The following OLA1 variants were observed in gnomAD, a reference collection of about 807,000 sequenced individuals.
OLA1 encodes Obg like ATPase 1.
In OLA1, 14 loss-of-function variants were observed where a neutral mutation model predicts 48.4. The ratio of observed to expected loss-of-function variants is 0.29; its 90% confidence interval spans 0.19 to 0.45. The LOEUF (loss-of-function observed/expected upper bound fraction) is 0.45. OLA1 is among the 20% of genes least tolerant of loss of function. The pLI, the probability that OLA1 is intolerant of heterozygous loss-of-function variation, is 1.00. For synonymous variants in OLA1, 127 were observed against 150.4 expected (o/e 0.84, Z 1.14); for missense variants, 325 against 467.1 (o/e 0.70, Z 2.80).
chr2:174,121,404 T>C (rs1685911808), intron 7 of OLA1, among the ~76,000 whole-genome samples: 1 of 152,112 alleles, frequency 6.6e-6, no homozygotes, highest in Non-Finnish European at 1.5e-5. Context: ...CGGCAGAAAC[T>C]GTACAGAAAA....
At chr2:174,144,105 G>C (rs1465426420) in intron 4 of OLA1, among the ~76,000 whole-genome samples, 1 of 152,004 alleles carries the variant, frequency 6.6e-6, no homozygotes, top group Non-Finnish European at 1.5e-5. Context: ...TGTCGAGCAA[G>C]ACCTTGTCAA....
chr2:174,117,081 A>C (rs894268356), intron 7 of OLA1, among the ~76,000 whole-genome samples: 3 of 152,204 alleles, frequency 2.0e-5, no homozygotes, highest in African/African-American at 7.2e-5. Flanking sequence ...ATGGGGTTGT[A>C]GAGAACATGG....
chr2:174,114,368 A>AAAAAAAAAAAAC, intron 7 of OLA1, among the ~76,000 whole-genome samples: 1 of 146,896 alleles, frequency 6.8e-6, no homozygotes, highest in Non-Finnish European at 1.5e-5. Context: ...AAAAAAAAAA[A>AAAAAAAAAAAAC]AAAAAGCTAA....
At chr2:174,103,268 T>C (rs1164450782) in intron 7 of OLA1, among the ~76,000 whole-genome samples, 4 of 152,144 alleles carry the variant, frequency 2.6e-5, no homozygotes, top group Admixed American at 6.6e-5. Context: ...GAATGGCCTG[T>C]AGGCTTTTAA....
intron 7 of OLA1, among the ~76,000 whole-genome samples, chr2:174,116,921 T>A (rs1267376685): frequency 6.6e-6 from 1 of 152,186 alleles, no homozygotes; most frequent in African/African-American, 2.4e-5. Flanking sequence ...CTTTAAAAAA[T>A]CATGCTACTG....
intron 4 of OLA1, among the ~76,000 whole-genome samples, chr2:174,201,302 G>A (rs1006351155): frequency 6.6e-6 from 1 of 152,200 alleles, no homozygotes; most frequent in African/African-American, 2.4e-5. Flanking sequence ...TAAACTCTCA[G>A]TTCTTCCATT....
chr2:174,209,338 C>G (rs764539933), intron 4 of OLA1, among the ~76,000 whole-genome samples: 11 of 152,180 alleles, frequency 7.2e-5, no homozygotes, highest in Non-Finnish European at 1.5e-4. Flanking sequence ...GAGCTTCTAT[C>G]CCTCTCTGAT....
At chr2:174,211,805 C>T (rs1688250402) in intron 4 of OLA1, among the ~76,000 whole-genome samples, 1 of 152,158 alleles carries the variant, frequency 6.6e-6, no homozygotes. Context: ...TTAAGAAGTA[C>T]TTGAAATATG....
chr2:174,131,837 A>G (rs1686189108), intron 5 of OLA1, among the ~76,000 whole-genome samples: 1 of 152,002 alleles, frequency 6.6e-6, no homozygotes, highest in African/African-American at 2.4e-5. Flanking sequence ...ATGGCCTTTT[A>G]TGTTCATGAA....
At position 174,115,184 on chromosome 2, in the gene OLA1, T is replaced by C. The variant is rs144584298; in HGVS notation, c.728+7996A>G. On this transcript the variant is annotated intron_variant, in intron 7 of 10. Coordinates refer to ENST00000284719, the MANE Select transcript of OLA1 (RefSeq NM_013341.5). ...TGAGGGTCATCTCGGAATTTGAGGA[T>C]CAAATGAAATAAAAAAGCTGAAACA... Among the ~76,000 whole-genome samples, 270 of 152,284 alleles carry C rather than the reference T, an allele frequency of 1.8e-3. 2 individuals are homozygous for C. Among genetic ancestry groups the C allele is most frequent in the African/African-American group, 6.3e-3 (262 of 41,576 alleles).
Position 174,075,146 on chromosome 2 carries a change from G to T in OLA1, c.*280C>A, listed in dbSNP as rs1574466056. ...CTTGGCATACATGATGGAGATTAATGAAGTATCATGAGAGTAATATGGTTC... is the reference window on the plus strand; with the variant it reads ...CTTGGCATACATGATGGAGATTAATTAAGTATCATGAGAGTAATATGGTTC... On this transcript the variant is annotated 3_prime_UTR_variant, in exon 11 of 11. Transcript: ENST00000284719. 1.3e-5 allele frequency: 4 copies of T among 307,312 alleles called. No individual in the cohort carries two copies. In the East Asian group the frequency reaches 3.1e-4, roughly 23 times the overall value. 19.0% of individuals were successfully genotyped at this position (307,312 alleles called of 1,614,324 possible).
At chr2:174,146,275 G>T (rs1023129301) in intron 4 of OLA1, among the ~76,000 whole-genome samples, 1 of 152,150 alleles carries the variant, frequency 6.6e-6, no homozygotes, top group African/African-American at 2.4e-5. Flanking sequence ...TTAAACAAAG[G>T]GAAGGCAGGG....
chr2:174,152,901 G>A (rs2119136), intron 4 of OLA1, among the ~76,000 whole-genome samples: 80,795 of 151,944 alleles, frequency 0.53, 22,067 homozygotes, highest in East Asian at 0.94. Flanking sequence ...GTTTAATGCT[G>A]GAATAGAAAA....
At chr2:174,151,588 T>C (rs563660595) in intron 4 of OLA1, among the ~76,000 whole-genome samples, 19 of 152,204 alleles carry the variant, frequency 1.2e-4, no homozygotes, top group Non-Finnish European at 2.6e-4. Flanking sequence ...AAGACAAGAA[T>C]ATACTGCTAA....
chr2:174,126,810 CA>C (rs1400893797), intron 5 of OLA1, among the ~76,000 whole-genome samples: 1 of 152,130 alleles, frequency 6.6e-6, no homozygotes, highest in Non-Finnish European at 1.5e-5. Flanking sequence ...TACAAAATGG[CA>C]ATATGTTCTC....
intron 4 of OLA1, among the ~76,000 whole-genome samples, chr2:174,202,491 T>G (rs1181749855): frequency 1.3e-5 from 2 of 152,226 alleles, no homozygotes; most frequent in African/African-American, 4.8e-5. Flanking sequence ...TGTGTTTTTT[T>G]CATTGTGTTT....
intron 4 of OLA1, among the ~76,000 whole-genome samples, chr2:174,209,923 AT>A (rs1359328733): frequency 6.6e-6 from 1 of 152,222 alleles, no homozygotes; most frequent in Non-Finnish European, 1.5e-5. Flanking sequence ...TAACAATATT[AT>A]AAGGAACTAT....
At chr2:174,192,902 G>A (rs149500633) in intron 4 of OLA1, among the ~76,000 whole-genome samples, 5 of 151,948 alleles carry the variant, frequency 3.3e-5, no homozygotes, top group South Asian at 4.2e-4. Flanking sequence ...CTTTTTCTCC[G>A]GGTGCCTTAG....
At chr2:174,139,519 T>C (rs1459899768) in intron 5 of OLA1, among the ~76,000 whole-genome samples, 4 of 152,208 alleles carry the variant, frequency 2.6e-5, no homozygotes. Flanking sequence ...ATCCCACTCC[T>C]GCCTTCTTTA....
Sources: allele counts gnomAD v4.1 joint callset (sites outside exome capture counted in the v4.1 genomes callset), GRCh38; gene constraint gnomAD v4.1.1; transcripts MANE v1.5; gene names NCBI Gene and HGNC (gene_info 2026-07-23, HGNC 2026-07-21).